ITPR1: variants seen among roughly 807,000 people sequenced by gnomAD.
ITPR1 encodes the protein inositol 1,4,5-trisphosphate receptor type 1.
A neutral mutation model predicts 318.4 loss-of-function variants in ITPR1; 96 were observed. That is an observed-to-expected ratio of 0.30 (90% CI 0.26 to 0.36). The LOEUF (loss-of-function observed/expected upper bound fraction) is 0.36, where lower values mean the gene tolerates loss of function less well. Among genes scored for constraint, ITPR1 ranks in the 10% least tolerant of loss-of-function variants. The pLI, the probability that ITPR1 is intolerant of heterozygous loss-of-function variation, is 1.00. For synonymous variants in ITPR1, 1,312 were observed against 1,289.9 expected (o/e 1.02, Z -0.37); for missense variants, 2,440 against 3,460.2 (o/e 0.71, Z 7.40).
rs757001574 is a variant in ITPR1 at position 4,680,570 on chromosome 3, G to T, written c.2985G>T (p.Arg995Ser). 6.2e-7 allele frequency: 1 copy of T among 1,613,206 alleles called. No homozygotes were observed. Among genetic ancestry groups the T allele is most frequent in the Non-Finnish European group, 8.5e-7 (1 of 1,179,306 alleles). ...IEILQFILNV[R>S]LDYRISCLLC... is the part of the protein sequence containing the mutation. Reference sequence around the variant, plus strand: ...ATCTTTAGTTTATTTTGAATGTGAGGTTGGATTATAGGATCTCCTGCCTCC... The same window carrying T: ...ATCTTTAGTTTATTTTGAATGTGAGTTTGGATTATAGGATCTCCTGCCTCC... The change falls in exon 25 of 62, where the codon AGG (arginine) becomes AGT (serine). Residue 995 changes from arginine (R) to serine (S), a missense_variant. Around this residue, in one of 23 missense-constraint regions of ITPR1, gnomAD observed 57 missense variants for 46.2 expected, o/e 1.23. Coordinates refer to ENST00000649015, the MANE Select transcript of ITPR1 (RefSeq NM_001378452.1).
chr3:4,822,210 C>G (rs1037175132), intron 60 of ITPR1, among the ~76,000 whole-genome samples: 1 of 152,140 alleles, frequency 6.6e-6, no homozygotes, highest in Admixed American at 6.6e-5. Flanking sequence ...GAGGCATGCA[C>G]AGAGGGAGGG....
intron 44 of ITPR1, 88 bp downstream of exon 44, chr3:4,735,442 A>T: frequency 8.7e-7 from 1 of 1,153,594 alleles, no homozygotes; most frequent in South Asian, 1.3e-5. Context: ...GGTGGTACCA[A>T]GCCTTGTTTG....
intron 4 of ITPR1, among the ~76,000 whole-genome samples, chr3:4,549,319 G>T (rs1217244120): frequency 1.3e-5 from 2 of 152,120 alleles, no homozygotes; most frequent in African/African-American, 4.8e-5. Context: ...ACTTAACCAG[G>T]GCGGTTTAAG....
At position 4,681,624 on chromosome 3, in the gene ITPR1, A is replaced by AAGTGTGT. The variant is rs548578427; in HGVS notation, c.3161+206_3161+207insAGTGTGT. 2.7e-4 allele frequency among the ~76,000 whole-genome samples: 39 copies of AAGTGTGT among 145,892 alleles called. No individual in the cohort carries two copies. In the East Asian group the frequency reaches 5.1e-3, roughly 19 times the overall value. On this transcript the variant is annotated intron_variant, in intron 26 of 61. Transcript: ENST00000649015. ...GAGAGTGAGAGAGAGAGAGAGAGAA[A>AAGTGTGT]GTGTGTGTGTGTGTGTGTGTGTGTG...
At position 4,688,483 on chromosome 3, in the gene ITPR1, C is replaced by T. The variant is rs1292268236; in HGVS notation, c.3703-12C>T. On this transcript the variant is annotated splice_polypyrimidine_tract_variant and intron_variant, in intron 30 of 61. Transcript: ENST00000649015. ...CAGCAATCAGTGCTTTCATCTGTCT[C>T]CTCCCACACAGGCCGAAGATACCAA... 1 of 1,613,616 alleles carries T rather than the reference C, an allele frequency of 6.2e-7. No individual in the cohort carries two copies. Among genetic ancestry groups the T allele is most frequent in the Non-Finnish European group, 8.5e-7 (1 of 1,179,706 alleles).
At chr3:4,593,872 C>G (rs1385157741) in intron 4 of ITPR1, among the ~76,000 whole-genome samples, 6 of 152,070 alleles carry the variant, frequency 3.9e-5, no homozygotes, top group Admixed American at 6.6e-5. Context: ...GGAGCTCAGG[C>G]CTTTATTCTT....
chr3:4,772,286 CA>C (rs955562356), intron 46 of ITPR1, among the ~76,000 whole-genome samples: 9 of 152,228 alleles, frequency 5.9e-5, no homozygotes, highest in Admixed American at 5.9e-4. Flanking sequence ...TAAAGCAGCT[CA>C]GAGTCAGCAC....
At chr3:4,601,256 T>C (rs1376626776) in intron 4 of ITPR1, among the ~76,000 whole-genome samples, 1 of 147,568 alleles carries the variant, frequency 6.8e-6, no homozygotes, top group Non-Finnish European at 1.5e-5. Context: ...CATTGGCTCC[T>C]GCCTGTAATC....
At chr3:4,504,922 T>G (rs555102161) in intron 2 of ITPR1, among the ~76,000 whole-genome samples, 1 of 152,132 alleles carries the variant, frequency 6.6e-6, no homozygotes, top group African/African-American at 2.4e-5. Context: ...GCCAGGAGAT[T>G]GATCAAATGC....
At chr3:4,639,739 G>C (rs1394330853) in intron 6 of ITPR1, among the ~76,000 whole-genome samples, 1 of 152,138 alleles carries the variant, frequency 6.6e-6, no homozygotes, top group Non-Finnish European at 1.5e-5. Context: ...CTTCCTACTT[G>C]AAAAGGAACC....
At chr3:4,620,922 A>AC (rs1233529455) in intron 4 of ITPR1, among the ~76,000 whole-genome samples, 1 of 149,224 alleles carries the variant, frequency 6.7e-6, no homozygotes, top group Admixed American at 6.7e-5. Context: ...TTTTTCTGCC[A>AC]CCCCCCACCC....
intron 50 of ITPR1, 21 bp from the exon 51 acceptor site, chr3:4,783,795 A>C: frequency 6.4e-7 from 1 of 1,554,686 alleles, no homozygotes; most frequent in Non-Finnish European, 8.8e-7. Flanking sequence ...AACCTCCTGT[A>C]TCTCTGTCCC....
At chr3:4,843,141 C>T (rs2051488810) in intron 61 of ITPR1, among the ~76,000 whole-genome samples, 1 of 131,296 alleles carries the variant, frequency 7.6e-6, no homozygotes, top group African/African-American at 2.8e-5. Flanking sequence ...AGGCCAAACA[C>T]TTTAGCAGTT....
intron 4 of ITPR1, among the ~76,000 whole-genome samples, chr3:4,601,776 G>C (rs939417219): frequency 6.6e-6 from 1 of 152,162 alleles, no homozygotes; most frequent in African/African-American, 2.4e-5. Context: ...TCATAGAAAA[G>C]TAGACAATAC....
At position 4,779,641 on chromosome 3, in the gene ITPR1, A is replaced by T. The variant is rs2046693194; in HGVS notation, c.6383A>T (p.Glu2128Val). 6.2e-7 allele frequency: 1 copy of T among 1,607,108 alleles called. No homozygotes were observed. The highest frequency in any genetic ancestry group is 8.5e-7 in the Non-Finnish European group (1 of 1,174,282). ...ATACTTTATAACATGAGGCCCAAGG[A>T]ACTGGTGAGTCGGGTGACGGATCTG... Reference protein sequence around the residue: ...ERILYNMRPKELVEVIKKAYM... With the variant: ...ERILYNMRPKVLVEVIKKAYM... The change falls in exon 49 of 62, where the codon GAA becomes GTA. Residue 2128 changes from glutamate (E) to valine (V), a missense_variant. By Grantham distance (121) the Glu-to-Val change is moderately radical. Coordinates refer to ENST00000649015, the MANE Select transcript of ITPR1 (RefSeq NM_001378452.1). The surrounding 1 kb of genome is among the most constrained non-coding windows in gnomAD (Gnocchi z 4.0).
Position 4,688,482 on chromosome 3 carries a change from T to C in ITPR1, c.3703-13T>C. 8.1e-6 allele frequency: 13 copies of C among 1,613,450 alleles called. No individual in the cohort carries two copies. Among genetic ancestry groups the C allele is most frequent in the Non-Finnish European group, 1.1e-5 (13 of 1,179,466 alleles). On this transcript the variant is annotated splice_polypyrimidine_tract_variant and intron_variant, in intron 30 of 61. Coordinates refer to ENST00000649015, the MANE Select transcript of ITPR1 (RefSeq NM_001378452.1). ...CCAGCAATCAGTGCTTTCATCTGTC[T>C]CCTCCCACACAGGCCGAAGATACCA...
chr3:4,673,750 T>G (rs970208645), intron 21 of ITPR1, among the ~76,000 whole-genome samples: 13 of 151,996 alleles, frequency 8.6e-5, no homozygotes, highest in Non-Finnish European at 1.8e-4. Context: ...GCCCGGCTAA[T>G]TTTTTGTATT....
At chr3:4,644,005 A>C in intron 7 of ITPR1, 131 bp from the exon 8 acceptor site, 1 of 651,760 alleles carries the variant, frequency 1.5e-6, no homozygotes, top group South Asian at 1.6e-5. Flanking sequence ...TGTGTGCTAC[A>C]TCTTTATACT....
intron 5 of ITPR1, among the ~76,000 whole-genome samples, chr3:4,636,982 A>G (rs768224511): frequency 6.6e-6 from 1 of 152,222 alleles, no homozygotes; most frequent in Non-Finnish European, 1.5e-5. Flanking sequence ...TAGAAACATA[A>G]TATTAGCATT....
Sources: gnomAD v4.1 joint callset for allele counts (sites outside exome capture counted in the v4.1 genomes callset) on GRCh38, gnomAD v4.1.1 for gene constraint, gnomAD v4.1.1 regional missense constraint, Gnocchi (gnomAD v3.1) non-coding constraint, MANE v1.5 for transcripts, NCBI Gene and HGNC (gene_info 2026-07-23, HGNC 2026-07-21) for gene names.